Variants in FTCDNL1 observed in about 807,000 individuals in gnomAD.
FTCDNL1 encodes the protein formiminotransferase cyclodeaminase N-terminal like, also known as formiminotransferase N-terminal subdomain-containing protein.
A neutral mutation model predicts 5.9 loss-of-function variants in FTCDNL1; 11 were observed. That is an observed-to-expected ratio of 1.87 (90% CI 1.18 to 3.10). The LOEUF is 3.10. FTCDNL1 is among the 30% of genes most tolerant of loss of function. The pLI is 0.00. For missense variants in FTCDNL1, 115 were observed against 65.5 expected (o/e 1.76, Z -2.61); for synonymous variants, 58 against 24.8 (o/e 2.34, Z -3.99).
At chr2:199,678,734 A>T in the FTCDNL1 span, among the ~76,000 whole-genome samples, 1 of 152,082 alleles carries the variant, frequency 6.6e-6, no homozygotes, top group Non-Finnish European at 1.5e-5. Flanking sequence ...CATTTTGTTC[A>T]GTTGGCATTT....
At chr2:199,807,728 T>C (rs1283936972), downstream of FTCDNL1, among the ~76,000 whole-genome samples, 1 of 152,218 alleles carries the variant, frequency 6.6e-6, no homozygotes, top group Non-Finnish European at 1.5e-5. Context: ...TCAACTTTAT[T>C]TTAAACCATT....
intron 3 of FTCDNL1, among the ~76,000 whole-genome samples, chr2:199,791,732 C>T (rs1299996684): frequency 6.6e-6 from 1 of 152,042 alleles, no homozygotes; most frequent in Non-Finnish European, 1.5e-5. Flanking sequence ...TTTTTGTTTA[C>T]TTTGATAACT....
the FTCDNL1 span, among the ~76,000 whole-genome samples, chr2:199,703,422 A>G: frequency 6.6e-6 from 1 of 152,198 alleles, no homozygotes; most frequent in Non-Finnish European, 1.5e-5. Flanking sequence ...AATGTTAGAT[A>G]CTTCAGTGAT....
At chr2:199,833,742 C>G (rs1380675987) in intron 3 of FTCDNL1, among the ~76,000 whole-genome samples, 1 of 152,126 alleles carries the variant, frequency 6.6e-6, no homozygotes, top group Non-Finnish European at 1.5e-5. Context: ...GGCTGCTGGC[C>G]ACAGACAACA....
the FTCDNL1 span, among the ~76,000 whole-genome samples, chr2:199,693,679 C>T: frequency 6.6e-6 from 1 of 152,318 alleles, no homozygotes; most frequent in South Asian, 2.1e-4. Flanking sequence ...TCAGTATCCT[C>T]ATCTGTAAAA....
At chr2:199,737,104 T>C in the FTCDNL1 span, among the ~76,000 whole-genome samples, 7 of 152,250 alleles carry the variant, frequency 4.6e-5, 2 homozygotes, top group South Asian at 1.4e-3. Flanking sequence ...CTGAGAGCTG[T>C]GATGTTGTTA....
At chr2:199,845,952 A>C in intron 3 of FTCDNL1, 123 bp downstream of exon 3, 1 of 471,228 alleles carries the variant, frequency 2.1e-6, no homozygotes, top group Non-Finnish European at 3.8e-6. Flanking sequence ...GCTTTGTGGT[A>C]GACTCTTTAC....
chr2:199,716,810 T>A, the FTCDNL1 span, among the ~76,000 whole-genome samples: 1 of 152,190 alleles, frequency 6.6e-6, no homozygotes, highest in African/African-American at 2.4e-5. Flanking sequence ...GTTTCCTGGA[T>A]AATTCCTGGA....
chr2:199,666,060 T>G, the FTCDNL1 span, among the ~76,000 whole-genome samples: 3 of 152,236 alleles, frequency 2.0e-5, no homozygotes, highest in African/African-American at 7.2e-5. Context: ...TGATTTAACC[T>G]GCTAAAGTTA....
At chr2:199,831,570 A>G (rs1164567739) in intron 3 of FTCDNL1, among the ~76,000 whole-genome samples, 1 of 152,200 alleles carries the variant, frequency 6.6e-6, no homozygotes, top group Non-Finnish European at 1.5e-5. Flanking sequence ...GTATAAGAGC[A>G]TTTCTAATAC....
the FTCDNL1 span, among the ~76,000 whole-genome samples, chr2:199,676,322 C>G: frequency 1.3e-5 from 2 of 152,094 alleles, no homozygotes; most frequent in Admixed American, 1.3e-4. Context: ...CATACTCCAG[C>G]ATATTTGTTC....
the FTCDNL1 span, among the ~76,000 whole-genome samples, chr2:199,722,285 T>C: frequency 7.2e-5 from 11 of 152,344 alleles, no homozygotes; most frequent in African/African-American, 2.6e-4. Context: ...CTTTGGTGCA[T>C]CTTGAATTAA....
At chr2:199,681,413 G>A in the FTCDNL1 span, among the ~76,000 whole-genome samples, 5 of 152,008 alleles carry the variant, frequency 3.3e-5, no homozygotes, top group African/African-American at 7.2e-5. Context: ...CCAAGATTGC[G>A]CCATTGCACT....
chr2:199,725,129 T>C, the FTCDNL1 span, among the ~76,000 whole-genome samples: 1 of 152,204 alleles, frequency 6.6e-6, no homozygotes, highest in Non-Finnish European at 1.5e-5. Context: ...CCTTTACCAC[T>C]AATGTAACGC....
downstream of FTCDNL1, among the ~76,000 whole-genome samples, chr2:199,759,864 T>A (rs1274974388): frequency 1.3e-5 from 2 of 152,130 alleles, no homozygotes; most frequent in African/African-American, 4.8e-5. Context: ...TATGTGAACA[T>A]AAACAACATG....
At chr2:199,804,017 T>A (rs1416541085) in intron 3 of FTCDNL1, among the ~76,000 whole-genome samples, 4 of 152,240 alleles carry the variant, frequency 2.6e-5, no homozygotes, top group Non-Finnish European at 5.9e-5. Flanking sequence ...TGCTATTTTA[T>A]CTTCCTTTTA....
At chr2:199,735,739 G>A in the FTCDNL1 span, among the ~76,000 whole-genome samples, 9 of 152,294 alleles carry the variant, frequency 5.9e-5, no homozygotes, top group South Asian at 1.9e-3. Flanking sequence ...TCGCACTAAG[G>A]CTGTGTCTTA....
rs1702578700 is a variant in FTCDNL1 at position 199,834,447 on chromosome 2, G to A, written c.211+11628C>T. Among the ~76,000 whole-genome samples, 5 of 152,120 alleles carry A rather than the reference G, an allele frequency of 3.3e-5. No individual in the cohort carries two copies. The South Asian group carries it at 1.0e-3, about 32-fold the overall frequency. On this transcript the variant is annotated intron_variant, in intron 3 of 4. Coordinates refer to ENST00000420128, the MANE Select transcript of FTCDNL1 (RefSeq NM_001363886.2). The stretch of plus-strand genomic sequence containing the variant: ...GAAGTTTGGGAAAGAAACTGGATGT[G>A]CACAGGCCCACCCTGCCTCCCTCTT...
At chr2:199,735,712 C>T in the FTCDNL1 span, among the ~76,000 whole-genome samples, 1 of 152,158 alleles carries the variant, frequency 6.6e-6, no homozygotes, top group Non-Finnish European at 1.5e-5. Context: ...TATGCAGACG[C>T]CATAGCTGTG....
Sources: gnomAD v4.1 joint callset for allele counts (sites outside exome capture counted in the v4.1 genomes callset) on GRCh38, gnomAD v4.1.1 for gene constraint, MANE v1.5 for transcripts, NCBI Gene and HGNC (gene_info 2026-07-23, HGNC 2026-07-21) for gene names.